NXPE1: variants seen among roughly 807,000 people sequenced by gnomAD.
The protein encoded by NXPE1 is NXPE family member 1.
NXPE1 carries 31 observed loss-of-function variants against 33.3 expected under a neutral mutation model. The ratio of observed to expected loss-of-function variants is 0.93; its 90% confidence interval spans 0.70 to 1.26. The LOEUF is 1.26. NXPE1 is among the 50% of genes most tolerant of loss of function. NXPE1 has a pLI of 0.00. For missense variants in NXPE1, 661 were observed against 655.6 expected (o/e 1.01, Z -0.09); for synonymous variants, 229 against 231.4 (o/e 0.99, Z 0.09).
intron 7 of NXPE1, among the ~76,000 whole-genome samples, chr11:114,523,317 C>T (rs1025105010): frequency 2.6e-5 from 4 of 151,972 alleles, no homozygotes; most frequent in Admixed American, 2.6e-4. Flanking sequence ...AATTCCTTTC[C>T]TCCTAAATTT....
intron 5 of NXPE1, among the ~76,000 whole-genome samples, chr11:114,536,366 A>T (rs1947824363): frequency 6.6e-6 from 1 of 152,228 alleles, no homozygotes; most frequent in Non-Finnish European, 1.5e-5. Context: ...CATCACAATT[A>T]AAAGAACTAG....
In NXPE1 at chr11:114,522,261, T is replaced by TA; in HGVS notation, c.1350dup (p.Ile451TyrfsTer12). On this transcript the variant is annotated frameshift_variant, in exon 9 of 9. Transcript: ENST00000534921. LOFTEE classifies it low-confidence loss of function (END_TRUNC). Reference sequence around the variant, plus strand: ...TTTTGAACACCGATGGCCCTGCGAATAAAAATGTCAATGGGAAATGGTCTA... The same window carrying TA: ...TTTTGAACACCGATGGCCCTGCGAATAAAAAATGTCAATGGGAAATGGTCTA... 6.2e-7 allele frequency: 1 copy of TA among 1,614,056 alleles called. No individual in the cohort carries two copies. The highest frequency in any genetic ancestry group is 8.5e-7 in the Non-Finnish European group (1 of 1,179,962).
intron 6 of NXPE1, chr11:114,529,747 C>A (rs999088717): frequency 5.9e-6 from 1 of 170,318 alleles, no homozygotes; most frequent in Non-Finnish European, 1.3e-5. Flanking sequence ...GGGAGAGAGA[C>A]CAGTTGGGAA....
intron 5 of NXPE1, among the ~76,000 whole-genome samples, chr11:114,533,516 C>G (rs539490115): frequency 3.1e-4 from 47 of 152,300 alleles, no homozygotes; most frequent in African/African-American, 1.1e-3. Context: ...CACAAGCGGT[C>G]AGGGAATTTC....
At chr11:114,534,773 G>A (rs1214741336) in intron 5 of NXPE1, among the ~76,000 whole-genome samples, 2 of 152,132 alleles carry the variant, frequency 1.3e-5, no homozygotes, top group Admixed American at 6.6e-5. Flanking sequence ...AAGAAATATG[G>A]GACTATGTGA....
chr11:114,550,309 C>T (rs1948431679), intron 5 of NXPE1, among the ~76,000 whole-genome samples: 1 of 151,948 alleles, frequency 6.6e-6, no homozygotes, highest in African/African-American at 2.4e-5. Flanking sequence ...GGGATTAGCT[C>T]TACTAGATAT....
intron 2 of NXPE1, among the ~76,000 whole-genome samples, chr11:114,552,566 G>C (rs189530062): frequency 4.6e-5 from 7 of 151,796 alleles, no homozygotes; most frequent in Admixed American, 3.9e-4. Context: ...TGTACAAAAA[G>C]CATGTTCAAT....
At chr11:114,540,958 G>A (rs1187891085) in intron 5 of NXPE1, among the ~76,000 whole-genome samples, 2 of 142,604 alleles carry the variant, frequency 1.4e-5, no homozygotes, top group African/African-American at 5.2e-5. Flanking sequence ...CAGAACAGAG[G>A]CAGAGAAGGT....
At position 114,552,751 on chromosome 11, in the gene NXPE1, GA is replaced by G. The variant is rs67199111; in HGVS notation, c.-182+100del. On this transcript the variant is annotated intron_variant, in intron 2 of 8. Transcript: ENST00000534921. ...CGTATGGATATGTTTCAGCAGCATTGAAAAAAAAGTATGATTGCTATTGCAC... is the reference window on the plus strand; with the variant it reads ...CGTATGGATATGTTTCAGCAGCATTGAAAAAAAGTATGATTGCTATTGCAC... 2,928 of 335,208 alleles carry G rather than the reference GA, an allele frequency of 8.7e-3. 66 individuals are homozygous for G. Among genetic ancestry groups the G allele is most frequent in the African/African-American group, 0.058 (2,568 of 44,456 alleles). The allele number at this position is 335,208 out of a possible 1,614,324, so 20.8% of individuals were successfully genotyped here.
At chr11:114,543,685 G>C (rs1948179684) in intron 5 of NXPE1, among the ~76,000 whole-genome samples, 2 of 152,002 alleles carry the variant, frequency 1.3e-5, no homozygotes, top group Non-Finnish European at 2.9e-5. Flanking sequence ...AGTCAAGAAT[G>C]TCCTCTTTCA....
intron 1 of NXPE1, among the ~76,000 whole-genome samples, chr11:114,557,083 G>T (rs992075482): frequency 6.6e-6 from 1 of 151,742 alleles, no homozygotes; most frequent in African/African-American, 2.4e-5. Flanking sequence ...TAGTAGAGAC[G>T]GGGTTTCACC....
chr11:114,532,274 AAG>A (rs1299649039), intron 5 of NXPE1, among the ~76,000 whole-genome samples: 1 of 152,266 alleles, frequency 6.6e-6, no homozygotes, highest in Admixed American at 6.5e-5. Flanking sequence ...AACCTTGGCA[AAG>A]CCAAAAGACA....
intron 5 of NXPE1, among the ~76,000 whole-genome samples, chr11:114,535,045 C>T (rs573640861): frequency 1.2e-3 from 188 of 152,284 alleles, no homozygotes; most frequent in African/African-American, 4.3e-3. Context: ...GGTCGGGTTA[C>T]CCACAAAGGG....
exon 4 of NXPE1, chr11:114,551,405 G>T (rs1741441091): frequency 2.3e-6 from 3 of 1,333,280 alleles, no homozygotes; most frequent in Admixed American, 3.5e-5. Flanking sequence ...TCTTGTCGAG[G>T]TTTCACTCAG....
intron 1 of NXPE1, among the ~76,000 whole-genome samples, chr11:114,557,923 T>G (rs1049715009): frequency 6.6e-6 from 1 of 151,928 alleles, no homozygotes; most frequent in African/African-American, 2.4e-5. Flanking sequence ...ATTTTTGTTT[T>G]TGGTGGTTAA....
rs746107597 is a variant in NXPE1 at position 114,523,092 on chromosome 11, C to G, written c.896-1G>C. 1 of 1,608,292 alleles carries G rather than the reference C, an allele frequency of 6.2e-7. No homozygotes were observed. Reference sequence around the variant, plus strand: ...CATGTCTCTTCTATTTTTTCTCTCTCTGGTAACAAAGACACTCGTAAATGA... The same window carrying G: ...CATGTCTCTTCTATTTTTTCTCTCTGTGGTAACAAAGACACTCGTAAATGA... On this transcript the variant is annotated splice_acceptor_variant, in intron 7 of 8. Transcript: ENST00000534921. LOFTEE classifies it high-confidence loss of function.
intron 7 of NXPE1, among the ~76,000 whole-genome samples, chr11:114,527,432 A>G (rs1947403168): frequency 6.6e-6 from 1 of 152,204 alleles, no homozygotes; most frequent in Non-Finnish European, 1.5e-5. Context: ...AAAACATATA[A>G]TCAGATGAAA....
At chr11:114,527,771 A>G in intron 7 of NXPE1, 69 bp downstream of exon 7, 1 of 1,053,340 alleles carries the variant, frequency 9.5e-7, no homozygotes, top group South Asian at 1.7e-5. Flanking sequence ...GGAGAACTAC[A>G]ATTATTTAGG....
At chr11:114,536,658 A>G (rs1201280145) in intron 5 of NXPE1, among the ~76,000 whole-genome samples, 3 of 152,234 alleles carry the variant, frequency 2.0e-5, no homozygotes, top group South Asian at 2.1e-4. Context: ...AAGCACCTCT[A>G]TGCAAATAAA....
Sources: gnomAD v4.1 joint callset for allele counts (sites outside exome capture counted in the v4.1 genomes callset) on GRCh38, gnomAD v4.1.1 for gene constraint, MANE v1.5 for transcripts, NCBI Gene and HGNC (gene_info 2026-07-23, HGNC 2026-07-21) for gene names.